RYR3: variants seen among roughly 807,000 people sequenced by gnomAD.
RYR3 encodes ryanodine receptor 3.
Under a neutral mutation model 584.3 loss-of-function variants are expected in RYR3, and 207 were observed. That is an observed-to-expected ratio of 0.35 (90% CI 0.32 to 0.40). The LOEUF is 0.40. Ranked by LOEUF, RYR3 falls within the 10% of genes least tolerant of loss-of-function variation. The probability of loss-of-function intolerance (pLI) is 1.00; values close to 1 mark genes in which losing one functional copy is unlikely to be tolerated. For missense variants in RYR3, 5,616 were observed against 6,089.2 expected (o/e 0.92, Z 2.59); for synonymous variants, 2,416 against 2,248.5 (o/e 1.07, Z -2.11).
intron 7 of RYR3, among the ~76,000 whole-genome samples, chr15:33,541,812 A>C (rs2055844806): frequency 6.6e-6 from 1 of 152,124 alleles, no homozygotes. Context: ...GGAAGGCTTT[A>C]AAAGGTAGGA....
chr15:33,771,781 T>C (rs1197736607), intron 62 of RYR3, 139 bp from the exon 63 acceptor site: 6 of 648,238 alleles, frequency 9.3e-6, no homozygotes, highest in South Asian at 1.9e-5. Context: ...TGTTAACTGC[T>C]CTCTCCCTTT....
At chr15:33,769,028 G>A (rs1358114897) in intron 61 of RYR3, 84 bp from the exon 62 acceptor site, 138 of 1,010,524 alleles carry the variant, frequency 1.4e-4, no homozygotes, top group Non-Finnish European at 9.5e-6. Context: ...CGCTGGGGCT[G>A]TGGCTTGTGC....
intron 1 of RYR3, among the ~76,000 whole-genome samples, chr15:33,404,823 A>G (rs955756429): frequency 6.6e-6 from 1 of 152,210 alleles, no homozygotes; most frequent in Admixed American, 6.5e-5. Flanking sequence ...ATTTGTATAC[A>G]TAACTTTTAT....
intron 16 of RYR3, 51 bp downstream of exon 16, chr15:33,586,167 A>G (rs377461169): frequency 1.4e-4 from 145 of 1,022,110 alleles, no homozygotes; most frequent in Middle Eastern, 4.4e-4. Context: ...TCCCTCCCCA[A>G]TGTTCATGAC....
At chr15:33,687,452 T>C (rs2065093623) in intron 38 of RYR3, among the ~76,000 whole-genome samples, 1 of 152,142 alleles carries the variant, frequency 6.6e-6, no homozygotes, top group Non-Finnish European at 1.5e-5. Context: ...TGCTCATGGA[T>C]AGGAAGAATC....
Position 33,865,337 on chromosome 15 carries a change from C to T in RYR3, c.*111C>T. On this transcript the variant is annotated 3_prime_UTR_variant, in exon 104 of 104. Coordinates refer to ENST00000634891, the MANE Select transcript of RYR3 (RefSeq NM_001036.6). ...AAATGTGACATTTTCTAAATGCCTCCCTTAAAAAAAAAACTGCTGAAAATC... is the reference window on the plus strand; with the variant it reads ...AAATGTGACATTTTCTAAATGCCTCTCTTAAAAAAAAAACTGCTGAAAATC... The T allele has an allele frequency of 1.3e-6, 1 of 750,620 alleles. No homozygotes were observed. The highest frequency in any genetic ancestry group is 2.0e-5 in the South Asian group (1 of 49,996). The allele number at this position is 750,620 out of a possible 1,614,324, so 46.5% of individuals were successfully genotyped here.
intron 19 of RYR3, among the ~76,000 whole-genome samples, chr15:33,617,247 A>G (rs1404872745): frequency 5.4e-4 from 1 of 1,868 alleles, no homozygotes; most frequent in South Asian, 0.5. Flanking sequence ...ACCCCGTCTC[A>G]CTAAAAATAC....
intron 81 of RYR3, among the ~76,000 whole-genome samples, chr15:33,823,361 C>G (rs12899636): frequency 0.067 from 10,125 of 152,252 alleles, 450 homozygotes; most frequent in Middle Eastern, 0.11. Flanking sequence ...GCTTTCCCAG[C>G]AGGCTCAGTG....
rs1460718397 is a variant in RYR3 at position 33,596,495 on chromosome 15, T to TTG, written c.1789-4924_1789-4923insTG. On this transcript the variant is annotated intron_variant, in intron 16 of 103. Transcript: ENST00000634891. ...GACCAACTCAATATTGTTCTTTTTT[T>TTG]GGGGGGGGGGGATTTCTGACTTCTT... Among the ~76,000 whole-genome samples, 27 of 133,986 alleles carry TTG rather than the reference T, an allele frequency of 2.0e-4. 1 individual carries two copies. In the South Asian group the frequency reaches 4.5e-3, roughly 23 times the overall value. 87.9% of individuals were successfully genotyped at this position (133,986 alleles called of 152,430 possible). A position where few individuals can be genotyped will look rare whatever the true frequency, so the allele number is the denominator to read the frequency against.
At chr15:33,391,074 G>C (rs1458400607) in intron 1 of RYR3, among the ~76,000 whole-genome samples, 1 of 152,168 alleles carries the variant, frequency 6.6e-6, no homozygotes, top group Non-Finnish European at 1.5e-5. Flanking sequence ...CTGAAGGTGA[G>C]AGTAATCTTT....
chr15:33,439,000 C>T (rs773740828), intron 1 of RYR3, among the ~76,000 whole-genome samples: 3 of 152,042 alleles, frequency 2.0e-5, no homozygotes, highest in East Asian at 1.9e-4. Flanking sequence ...ACCCAAGAGT[C>T]GAGCAGTATT....
intron 36 of RYR3, among the ~76,000 whole-genome samples, chr15:33,668,844 A>G (rs1002167383): frequency 6.6e-6 from 1 of 152,236 alleles, no homozygotes; most frequent in Non-Finnish European, 1.5e-5. Context: ...ATTATTTTAA[A>G]GGAAACTCAA....
intron 1 of RYR3, among the ~76,000 whole-genome samples, chr15:33,464,161 A>G (rs1274169031): frequency 6.6e-6 from 1 of 152,000 alleles, no homozygotes; most frequent in Non-Finnish European, 1.5e-5. Flanking sequence ...GGAGGTAAAT[A>G]CTAGTTGGAA....
chr15:33,778,161 C>T (rs2074136020), intron 64 of RYR3, among the ~76,000 whole-genome samples: 1 of 110,794 alleles, frequency 9.0e-6, no homozygotes, highest in African/African-American at 2.7e-5. Flanking sequence ...CAGAGCAAGA[C>T]TCTGTCTCAA....
At chr15:33,318,440 C>G (rs1968501404) in intron 1 of RYR3, among the ~76,000 whole-genome samples, 1 of 152,174 alleles carries the variant, frequency 6.6e-6, no homozygotes, top group African/African-American at 2.4e-5. Flanking sequence ...TCAGCAGGTA[C>G]CACTGATGAT....
At position 33,685,221 on chromosome 15, in the gene RYR3, C is replaced by T. The variant is rs548374188; in HGVS notation, c.5861-10997C>T. Among the ~76,000 whole-genome samples, 247 of 152,296 alleles carry T rather than the reference C, an allele frequency of 1.6e-3. 1 individual carries two copies. The highest frequency in any genetic ancestry group is 5.9e-3 in the African/African-American group (244 of 41,574). The stretch of plus-strand genomic sequence containing the variant: ...GACCCATTTCACGTGCAGAGACACA[C>T]ATAGGCTCAAAACAAAGGGATGGAG... On this transcript the variant is annotated intron_variant, in intron 38 of 103. Transcript: ENST00000634891.
At chr15:33,619,853 A>G (rs574561126) in intron 19 of RYR3, among the ~76,000 whole-genome samples, 8 of 152,304 alleles carry the variant, frequency 5.3e-5, no homozygotes, top group Admixed American at 4.6e-4. Flanking sequence ...TGCTATTGTC[A>G]GGTAGCATTG....
At chr15:33,797,403 T>C (rs547116613) in intron 67 of RYR3, among the ~76,000 whole-genome samples, 7 of 152,084 alleles carry the variant, frequency 4.6e-5, no homozygotes, top group Admixed American at 6.5e-5. Flanking sequence ...GTTGCATTAA[T>C]TGGGGGCAGA....
chr15:33,386,391 A>T (rs1567140439), intron 1 of RYR3, among the ~76,000 whole-genome samples: 1 of 152,186 alleles, frequency 6.6e-6, no homozygotes, highest in Non-Finnish European at 1.5e-5. Flanking sequence ...ATGTGTTGCT[A>T]ATATTGATTA....
Sources: allele counts gnomAD v4.1 joint callset (sites outside exome capture counted in the v4.1 genomes callset), GRCh38; gene constraint gnomAD v4.1.1; transcripts MANE v1.5; gene names NCBI Gene and HGNC (gene_info 2026-07-23, HGNC 2026-07-21).